CNBD2: variants seen among roughly 807,000 people sequenced by gnomAD.
CNBD2 encodes cyclic nucleotide-binding domain-containing protein 2.
In CNBD2, 64 loss-of-function variants were observed where a neutral mutation model predicts 63.7. The observed-to-expected ratio is 1.00, with a 90% CI of 0.82 to 1.24. The LOEUF (loss-of-function observed/expected upper bound fraction) is 1.24. Among genes scored for constraint, CNBD2 ranks in the 50% most tolerant of loss-of-function variants. The probability of loss-of-function intolerance (pLI) is 0.00; values close to 1 mark genes in which losing one functional copy is unlikely to be tolerated. For missense variants in CNBD2, 691 were observed against 713.5 expected (o/e 0.97, Z 0.36); for synonymous variants, 229 against 255.4 (o/e 0.90, Z 0.99).
chr20:36,023,791 G>GTC lies in CNBD2; in HGVS notation c.1439+21_1439+22insCT, dbSNP rs774876154. On this transcript the variant is annotated intron_variant, in intron 11 of 11. Coordinates refer to ENST00000373973, the MANE Select transcript of CNBD2 (RefSeq NM_001365709.1). ...CCCCAGGTCAGTACTGGAAATGTGC[G>GTC]TAAGTCCCATCAGGTGAAATGAACA... 122 of 1,565,658 alleles carry GTC rather than the reference G, an allele frequency of 7.8e-5. No individual in the cohort carries two copies. The highest frequency in any genetic ancestry group is 9.9e-5 in the Non-Finnish European group (115 of 1,156,738).
chr20:35,962,327 C>T (rs1176910022), intron 2 of CNBD2, among the ~76,000 whole-genome samples: 3 of 149,220 alleles, frequency 2.0e-5, no homozygotes, highest in Admixed American at 6.7e-5. Flanking sequence ...GGCACGATCT[C>T]GGCTCACTGC....
chr20:36,028,442 G>T (rs1257746835), intron 11 of CNBD2, among the ~76,000 whole-genome samples: 1 of 152,100 alleles, frequency 6.6e-6, no homozygotes, highest in African/African-American at 2.4e-5. Context: ...CGAAGACTCT[G>T]AGATCCTGAA....
chr20:36,011,763 G>T (rs1601089044), intron 10 of CNBD2, among the ~76,000 whole-genome samples: 1 of 152,114 alleles, frequency 6.6e-6, no homozygotes, highest in Non-Finnish European at 1.5e-5. Context: ...TTTTTAAAAA[G>T]AAAAACCTCC....
chr20:35,972,919 G>T, intron 2 of CNBD2, 153 bp downstream of exon 2: 1 of 680,060 alleles, frequency 1.5e-6, no homozygotes. Flanking sequence ...CCATACTTCT[G>T]TTGGAGAGGG....
intron 7 of CNBD2, among the ~76,000 whole-genome samples, chr20:35,988,858 G>A (rs544714804): frequency 2.0e-5 from 3 of 152,244 alleles, no homozygotes; most frequent in African/African-American, 4.8e-5. Context: ...TTAATAGGTC[G>A]CAATTGCTGC....
chr20:35,966,764 A>G (rs892432428), upstream of CNBD2, among the ~76,000 whole-genome samples: 3 of 152,124 alleles, frequency 2.0e-5, no homozygotes, highest in Non-Finnish European at 4.4e-5. Flanking sequence ...GTGCTGGATG[A>G]ACCTACTCCC....
Position 35,980,634 on chromosome 20 carries a change from G to T in CNBD2, c.407+12G>T, listed in dbSNP as rs1236220811. 1.2e-6 allele frequency: 2 copies of T among 1,611,938 alleles called. No individual in the cohort carries two copies. The highest frequency in any genetic ancestry group is 1.7e-6 in the Non-Finnish European group (2 of 1,179,682). On this transcript the variant is annotated intron_variant, in intron 4 of 11. Transcript: ENST00000373973. ...ATGCGCTTTGAACGGTCAGTGAGGG[G>T]CACAGCCCTTGGCCACCAGGCTGAG...
chr20:35,976,922 T>C (rs2056528525), intron 3 of CNBD2, among the ~76,000 whole-genome samples: 1 of 152,120 alleles, frequency 6.6e-6, no homozygotes, highest in Non-Finnish European at 1.5e-5. Context: ...CCCCACCCCT[T>C]TCTCTTCTTG....
chr20:36,004,272 G>A (rs568439821), intron 8 of CNBD2, among the ~76,000 whole-genome samples: 2 of 152,266 alleles, frequency 1.3e-5, no homozygotes, highest in East Asian at 1.9e-4. Flanking sequence ...CACATGTGCT[G>A]ATTAATACTC....
In CNBD2 at chr20:36,008,362, T is replaced by A. The variant is rs1472808990; in HGVS notation, c.1036T>A (p.Ser346Thr). 1 of 1,614,054 alleles carries A rather than the reference T, an allele frequency of 6.2e-7. No individual in the cohort carries two copies. Among genetic ancestry groups the A allele is most frequent in the South Asian group, 1.1e-5 (1 of 91,078 alleles). Residue 346 changes from serine (S) to threonine (T), a missense_variant, in exon 9 of 12, where the codon TCC becomes ACC. Transcript: ENST00000373973. Reference sequence around the variant, plus strand: ...ATCATATCCTCTGCAAGACTTTAGCTCCTTGAAACTTCCACATCTCAAAAA... The same window carrying A: ...ATCATATCCTCTGCAAGACTTTAGCACCTTGAAACTTCCACATCTCAAAAA... ...IKSYPLQDFS[S>T]LKLPHLKKAW...
chr20:36,022,189 T>A (rs1209572669), intron 10 of CNBD2, among the ~76,000 whole-genome samples: 4 of 121,594 alleles, frequency 3.3e-5, no homozygotes, highest in Non-Finnish European at 6.2e-5. Flanking sequence ...TAATTCTTTT[T>A]TTTTTCTTTT....
chr20:36,023,848 A>G (rs1186987952), intron 11 of CNBD2, 77 bp downstream of exon 11: 19 of 1,316,618 alleles, frequency 1.4e-5, no homozygotes, highest in Admixed American at 4.5e-5. Context: ...TAAAAGAAGG[A>G]AAAATATAAT....
rs2056682557 is a variant in CNBD2 at position 35,987,396 on chromosome 20, A to C, written c.718A>C (p.Lys240Gln). The C allele has an allele frequency of 1.9e-6, 3 of 1,614,010 alleles. No homozygotes were observed. The highest frequency in any genetic ancestry group is 2.5e-6 in the Non-Finnish European group (3 of 1,180,036). The change falls in exon 7 of 12, where the codon AAG (lysine) becomes CAG (glutamine). Residue 240 changes from lysine (K) to glutamine (Q), a missense_variant and splice_region_variant. By Grantham distance (53) the Lys-to-Gln change is moderately conservative. Transcript: ENST00000373973. Reference protein sequence around the residue: ...DAQYRFEFFRKMELFASWSDE... With the variant: ...DAQYRFEFFRQMELFASWSDE... ...AATTCTAACAGGCTCTTCCCACAGG[A>C]AGATGGAGCTGTTTGCATCATGGTC...
intron 8 of CNBD2, among the ~76,000 whole-genome samples, chr20:36,005,025 A>G (rs1175356657): frequency 1.3e-5 from 2 of 152,186 alleles, no homozygotes; most frequent in Non-Finnish European, 2.9e-5. Context: ...CATATATCAT[A>G]ATTAATTTAA....
intron 11 of CNBD2, among the ~76,000 whole-genome samples, chr20:36,028,520 C>T (rs2057307033): frequency 6.6e-6 from 1 of 152,084 alleles, no homozygotes; most frequent in Non-Finnish European, 1.5e-5. Context: ...TGAAAATCAC[C>T]CCTACAGAGC....
chr20:36,001,063 G>A (rs1048053096), intron 8 of CNBD2, among the ~76,000 whole-genome samples: 1 of 150,904 alleles, frequency 6.6e-6, no homozygotes, highest in Non-Finnish European at 1.5e-5. Context: ...CAGGGTTGGG[G>A]GTAAGGTCAC....
In CNBD2 at chr20:35,982,194, C is replaced by A. The variant is rs189070728; in HGVS notation, c.407+1572C>A. 2.9e-3 allele frequency among the ~76,000 whole-genome samples: 440 copies of A among 152,282 alleles called. 2 individuals are homozygous for A. The highest frequency in any genetic ancestry group is 9.9e-3 in the African/African-American group (413 of 41,560). On this transcript the variant is annotated intron_variant, in intron 4 of 11. Coordinates refer to ENST00000373973, the MANE Select transcript of CNBD2 (RefSeq NM_001365709.1). ...GAGGAAGAGGAGGAACTGCTGAGGG[C>A]AGGGCCATGAGCTCAGAGCTGGGGA...
Position 35,980,620 on chromosome 20 carries a change from A to C in CNBD2, c.405A>C (p.Glu135Asp), listed in dbSNP as rs1447388498. ...TCCTGGCCAAAGTCATGCGCTTTGA[A>C]CGGTCAGTGAGGGGCACAGCCCTTG... ...QLLLAKVMRF[E>D]RFGRRRVIIK... Residue 135 changes from glutamate (E) to aspartate (D), a missense_variant and splice_region_variant, in exon 4 of 12, where the codon GAA becomes GAC. Physicochemically the swap from Glu to Asp is conservative, Grantham distance 45. Transcript: ENST00000373973. The C allele has an allele frequency of 6.2e-7, 1 of 1,613,004 alleles. No individual in the cohort carries two copies. Among genetic ancestry groups the C allele is most frequent in the Admixed American group, 1.7e-5 (1 of 60,010 alleles).
At chr20:35,964,397 C>T (rs1209049915), upstream of CNBD2, among the ~76,000 whole-genome samples, 1 of 151,358 alleles carries the variant, frequency 6.6e-6, no homozygotes, top group Non-Finnish European at 1.5e-5. Context: ...TCAGGTTGGT[C>T]TCAAACTCCC....
Sources: allele counts gnomAD v4.1 joint callset (sites outside exome capture counted in the v4.1 genomes callset), GRCh38; gene constraint gnomAD v4.1.1; transcripts MANE v1.5; gene names NCBI Gene and HGNC (gene_info 2026-07-23, HGNC 2026-07-21).